The following SLC24A2 variants were observed in gnomAD, a reference collection of about 807,000 sequenced individuals.
SLC24A2 encodes the protein sodium/potassium/calcium exchanger 2.
SLC24A2 carries 36 observed loss-of-function variants against 62.0 expected under a neutral mutation model. That is an observed-to-expected ratio of 0.58 (90% CI 0.44 to 0.77). The LOEUF is 0.77. Among genes scored for constraint, SLC24A2 ranks in the 30% least tolerant of loss-of-function variants. The pLI, the probability that SLC24A2 is intolerant of heterozygous loss-of-function variation, is 0.00. For missense variants in SLC24A2, 846 were observed against 817.9 expected, an observed-to-expected ratio of 1.03 and a Z score of -0.42; for synonymous variants, 358 against 294.0, an observed-to-expected ratio of 1.22 and a Z score of -2.23.
chr9:19,682,070 C>T (rs1269799245), intron 2 of SLC24A2, among the ~76,000 whole-genome samples: 1 of 152,098 alleles, frequency 6.6e-6, no homozygotes, highest in Non-Finnish European at 1.5e-5. Context: ...ATGCAGTTCT[C>T]TCTGCCATGG....
the SLC24A2 span, among the ~76,000 whole-genome samples, chr9:19,845,408 C>T: frequency 1.3e-5 from 2 of 152,086 alleles, no homozygotes; most frequent in South Asian, 2.1e-4. Flanking sequence ...GTTCCAGGAG[C>T]CTTTCGGCAG....
At chr9:19,662,818 T>G (rs567348271) in intron 2 of SLC24A2, among the ~76,000 whole-genome samples, 1 of 152,342 alleles carries the variant, frequency 6.6e-6, no homozygotes, top group South Asian at 2.1e-4. Context: ...AAATTTATGT[T>G]ATATACTCAC....
chr9:20,089,668 A>G, the SLC24A2 span, among the ~76,000 whole-genome samples: 1 of 151,814 alleles, frequency 6.6e-6, no homozygotes, highest in Non-Finnish European at 1.5e-5. Flanking sequence ...AGGCTCCCAG[A>G]GGCATCTGAC....
At chr9:19,647,541 T>C (rs1181475458) in intron 2 of SLC24A2, among the ~76,000 whole-genome samples, 3 of 150,732 alleles carry the variant, frequency 2.0e-5, no homozygotes, top group Non-Finnish European at 4.4e-5. Flanking sequence ...GGCTACTGGC[T>C]TAGCAATGCC....
chr9:19,789,845 C>T (rs1420940086), upstream of SLC24A2, among the ~76,000 whole-genome samples: 1 of 152,200 alleles, frequency 6.6e-6, no homozygotes, highest in Non-Finnish European at 1.5e-5. Flanking sequence ...GCTCTGAAAG[C>T]TTTTCGCACA....
At chr9:19,603,638 T>A (rs1269378197) in intron 4 of SLC24A2, among the ~76,000 whole-genome samples, 4 of 152,122 alleles carry the variant, frequency 2.6e-5, no homozygotes, top group African/African-American at 9.7e-5. Context: ...CTGGCCTTAT[T>A]CTGAGGCTTT....
At chr9:19,909,431 T>C in the SLC24A2 span, among the ~76,000 whole-genome samples, 12 of 151,942 alleles carry the variant, frequency 7.9e-5, no homozygotes, top group African/African-American at 2.2e-4. Context: ...TGTATACATA[T>C]GTAACAAACC....
At chr9:19,832,597 G>A in the SLC24A2 span, among the ~76,000 whole-genome samples, 1 of 152,014 alleles carries the variant, frequency 6.6e-6, no homozygotes, top group African/African-American at 2.4e-5. Context: ...AATTCAAGAT[G>A]GATTAAAGAC....
chr9:19,834,893 A>G, the SLC24A2 span, among the ~76,000 whole-genome samples: 1 of 152,232 alleles, frequency 6.6e-6, no homozygotes, highest in African/African-American at 2.4e-5. Flanking sequence ...GAAACCCTAC[A>G]AGCCAGAAGA....
chr9:20,269,044 G>C, the SLC24A2 span, among the ~76,000 whole-genome samples: 322 of 152,262 alleles, frequency 2.1e-3, 2 homozygotes, highest in African/African-American at 7.4e-3. Context: ...AGCAGTTAAG[G>C]ATGCAATATT....
chr9:19,940,050 G>C, the SLC24A2 span, among the ~76,000 whole-genome samples: 2 of 152,224 alleles, frequency 1.3e-5, no homozygotes, highest in Non-Finnish European at 2.9e-5. Context: ...ACCCTTGGGG[G>C]TTTGAGGGGA....
At chr9:19,663,260 G>C (rs893813114) in intron 2 of SLC24A2, among the ~76,000 whole-genome samples, 1 of 152,226 alleles carries the variant, frequency 6.6e-6, no homozygotes, top group Non-Finnish European at 1.5e-5. Flanking sequence ...TGCCATGAGA[G>C]GAATAAGAGT....
chr9:19,702,650 C>A (rs1820390535), intron 2 of SLC24A2, among the ~76,000 whole-genome samples: 1 of 152,158 alleles, frequency 6.6e-6, no homozygotes, highest in South Asian at 2.1e-4. Flanking sequence ...CAGTGGCTTC[C>A]TATAGTTAGA....
chr9:19,825,155 T>C, the SLC24A2 span, among the ~76,000 whole-genome samples: 3 of 152,216 alleles, frequency 2.0e-5, no homozygotes, highest in African/African-American at 7.2e-5. Flanking sequence ...CTGCATGTTC[T>C]GCACATGTAC....
chr9:20,277,728 C>T, the SLC24A2 span, among the ~76,000 whole-genome samples: 1 of 152,288 alleles, frequency 6.6e-6, no homozygotes, highest in South Asian at 2.1e-4. Context: ...CCAGCCATCC[C>T]ATTACTGGTA....
intron 2 of SLC24A2, among the ~76,000 whole-genome samples, chr9:19,746,372 GA>G (rs772832404): frequency 3.5e-4 from 53 of 152,170 alleles, no homozygotes; most frequent in South Asian, 2.3e-3. Flanking sequence ...TGACATACAG[GA>G]AAAATTGCTA....
chr9:19,874,409 A>T, the SLC24A2 span, among the ~76,000 whole-genome samples: 2 of 152,210 alleles, frequency 1.3e-5, no homozygotes, highest in Admixed American at 6.5e-5. Context: ...TCATCTAAAT[A>T]TAATTGAATA....
At chr9:20,201,742 G>C in the SLC24A2 span, among the ~76,000 whole-genome samples, 1 of 152,064 alleles carries the variant, frequency 6.6e-6, no homozygotes, top group Non-Finnish European at 1.5e-5. Context: ...TCTCTGCTTT[G>C]AGTTTAGAGA....
the SLC24A2 span, among the ~76,000 whole-genome samples, chr9:19,796,606 T>A: frequency 5.9e-4 from 90 of 152,232 alleles, no homozygotes; most frequent in Non-Finnish European, 1.0e-3. Flanking sequence ...TTTATCCCAC[T>A]CCCATACTCT....
Sources: gnomAD v4.1 joint callset for allele counts (sites outside exome capture counted in the v4.1 genomes callset) on GRCh38, gnomAD v4.1.1 for gene constraint, MANE v1.5 for transcripts, NCBI Gene and HGNC (gene_info 2026-07-23, HGNC 2026-07-21) for gene names.